Variants in CTNNA2 observed in about 807,000 individuals in gnomAD.
CTNNA2 encodes catenin alpha 2.
Under a neutral mutation model 101.0 loss-of-function variants are expected in CTNNA2, and 42 were observed. That is an observed-to-expected ratio of 0.42 (90% CI 0.32 to 0.54). CTNNA2 has a LOEUF of 0.54. CTNNA2 is among the 20% of genes least tolerant of loss of function. The probability of loss-of-function intolerance (pLI) is 0.14; values close to 1 mark genes in which losing one functional copy is unlikely to be tolerated. For missense variants in CTNNA2, 871 were observed against 1,223.1 expected, an observed-to-expected ratio of 0.71 and a Z score of 4.29; for synonymous variants, 450 against 456.4, an observed-to-expected ratio of 0.99 and a Z score of 0.18.
intron 2 of CTNNA2, among the ~76,000 whole-genome samples, chr2:79,268,912 A>C (rs1312490155): frequency 6.6e-6 from 1 of 152,044 alleles, no homozygotes; most frequent in Non-Finnish European, 1.5e-5. Flanking sequence ...AAGCAGATTG[A>C]ATACAGTTAT....
At chr2:79,515,558 C>T (rs902330970) in intron 1 of CTNNA2, among the ~76,000 whole-genome samples, 2 of 152,120 alleles carry the variant, frequency 1.3e-5, no homozygotes, top group South Asian at 4.1e-4. Context: ...TTTCACTTGC[C>T]TCCTTTGTAA....
intron 3 of CTNNA2, among the ~76,000 whole-genome samples, chr2:79,763,975 C>A (rs1490476006): frequency 2.0e-5 from 3 of 152,210 alleles, no homozygotes; most frequent in African/African-American, 7.2e-5. Flanking sequence ...CAACAGCCCA[C>A]TCCATCCACT....
At chr2:80,482,669 G>A (rs1264930290) in intron 9 of CTNNA2, among the ~76,000 whole-genome samples, 2 of 152,128 alleles carry the variant, frequency 1.3e-5, no homozygotes, top group Admixed American at 6.6e-5. Context: ...GCTAGAAGGT[G>A]TATTATTTTT....
chr2:79,260,102 C>T (rs953763083), intron 2 of CTNNA2, among the ~76,000 whole-genome samples: 2 of 152,150 alleles, frequency 1.3e-5, no homozygotes, highest in Non-Finnish European at 2.9e-5. Context: ...AAGCCCTTCA[C>T]CAGAGCCTCT....
intron 1 of CTNNA2, among the ~76,000 whole-genome samples, chr2:79,578,392 A>T (rs1206634125): frequency 6.6e-6 from 1 of 152,196 alleles, no homozygotes; most frequent in Non-Finnish European, 1.5e-5. Flanking sequence ...TAGTGAATTA[A>T]TAATTATTTT....
chr2:79,315,167 T>C (rs1287956385), intron 3 of CTNNA2, among the ~76,000 whole-genome samples: 1 of 152,210 alleles, frequency 6.6e-6, no homozygotes, highest in Non-Finnish European at 1.5e-5. Flanking sequence ...GATTTTTATT[T>C]GATAAGTTGG....
intron 7 of CTNNA2, chr2:80,029,640 ATTTTTTTTTTT>A (rs78417534): frequency 1.6e-5 from 2 of 127,916 alleles, no homozygotes; most frequent in African/African-American, 5.7e-5. Context: ...ACAGCCTGGG[ATTTTTTTTTTT>A]TTTTTTTTTT....
rs1672102177 is a variant in CTNNA2 at position 79,521,168 on chromosome 2, A to AT, written c.-6+7961_-6+7962insT. ...TATATATATATATATATATATATAT[A>AT]AATTTTAAGGTGCGCTATTTAATAT... is the stretch of plus-strand genomic sequence containing the variant. On this transcript the variant is annotated intron_variant, in intron 1 of 18. Coordinates refer to ENST00000402739, the MANE Select transcript of CTNNA2 (RefSeq NM_001282597.3). 2.1e-4 allele frequency among the ~76,000 whole-genome samples: 21 copies of AT among 101,990 alleles called. 1 individual carries two copies. The highest frequency in any genetic ancestry group is 6.8e-4 in the African/African-American group (18 of 26,424). The allele number at this position is 101,990 out of a possible 152,430, so 66.9% of individuals were successfully genotyped here.
chr2:79,491,384 T>TAC (rs1158756806), intron 4 of CTNNA2, among the ~76,000 whole-genome samples: 1 of 152,334 alleles, frequency 6.6e-6, no homozygotes, highest in East Asian at 1.9e-4. Context: ...GAAGAGTATA[T>TAC]ACCATCTTTG....
At chr2:80,620,599 G>A (rs1558651242) in intron 18 of CTNNA2, among the ~76,000 whole-genome samples, 1 of 151,904 alleles carries the variant, frequency 6.6e-6, no homozygotes, top group Non-Finnish European at 1.5e-5. Flanking sequence ...GTCCCCTGCA[G>A]GCAACTTAAT....
At chr2:80,289,237 G>A (rs574251944) in intron 7 of CTNNA2, 1 of 152,166 alleles carries the variant, frequency 6.6e-6, no homozygotes, top group South Asian at 2.1e-4. Flanking sequence ...ATAAATAAAA[G>A]GCAGTCACCT....
At chr2:79,208,662 C>G (rs946651088) in intron 2 of CTNNA2, among the ~76,000 whole-genome samples, 11 of 152,150 alleles carry the variant, frequency 7.2e-5, no homozygotes, top group African/African-American at 2.7e-4. Flanking sequence ...TCAAGCTACA[C>G]ATCTTCTTTC....
At chr2:80,609,959 C>T (rs1170276019) in intron 17 of CTNNA2, among the ~76,000 whole-genome samples, 2 of 151,658 alleles carry the variant, frequency 1.3e-5, no homozygotes, top group Non-Finnish European at 2.9e-5. Flanking sequence ...ATCACTTGCA[C>T]TGTTGGCTTT....
intron 2 of CTNNA2, among the ~76,000 whole-genome samples, chr2:79,234,419 G>A (rs940986725): frequency 1.3e-5 from 2 of 152,088 alleles, no homozygotes; most frequent in African/African-American, 2.4e-5. Context: ...TAGCCCGATG[G>A]GGCATTCTTT....
rs1693167318 is a variant in CTNNA2, at chr2:80,004,167, A to G, written c.1056+94370A>G. 2.0e-5 allele frequency among the ~76,000 whole-genome samples: 3 copies of G among 152,178 alleles called. 1 individual carries two copies. In the South Asian group the frequency reaches 6.2e-4, roughly 32 times the overall value. On this transcript the variant is annotated intron_variant, in intron 7 of 18. Coordinates refer to ENST00000402739, the MANE Select transcript of CTNNA2 (RefSeq NM_001282597.3). ...TATGCTGGAATGCTTGTAGATTTCC[A>G]AGAGAAACAATGTACAGTCTCCTTT...
At chr2:80,280,996 TC>T (rs897436725) in intron 7 of CTNNA2, among the ~76,000 whole-genome samples, 4 of 152,094 alleles carry the variant, frequency 2.6e-5, no homozygotes, top group African/African-American at 9.7e-5. Flanking sequence ...GAGTTGATTT[TC>T]CCCCTCGGTT....
intron 8 of CTNNA2, among the ~76,000 whole-genome samples, chr2:80,412,368 C>A (rs1258011358): frequency 6.6e-6 from 1 of 152,176 alleles, no homozygotes; most frequent in Admixed American, 6.5e-5. Context: ...TTAAGTAAAG[C>A]ATTTGTTTAA....
At chr2:79,983,201 C>T (rs977049652) in intron 7 of CTNNA2, among the ~76,000 whole-genome samples, 2 of 148,082 alleles carry the variant, frequency 1.4e-5, no homozygotes, top group South Asian at 2.1e-4. Flanking sequence ...ATTCATATAC[C>T]TATATTAATA....
chr2:79,973,591 A>G lies in CTNNA2; in HGVS notation c.1056+63794A>G, dbSNP rs148209531. On this transcript the variant is annotated intron_variant, in intron 7 of 18. Coordinates refer to ENST00000402739, the MANE Select transcript of CTNNA2 (RefSeq NM_001282597.3). ...GAAAATAAGTAGAAAACATACTCCT[A>G]AGGTGTGTCAACCTAAAAAACAAAC... is the stretch of plus-strand genomic sequence containing the variant. 5.1e-4 allele frequency among the ~76,000 whole-genome samples: 77 copies of G among 152,308 alleles called. 2 individuals are homozygous for G. The East Asian group carries it at 0.014, about 28-fold the overall frequency.
Sources: gnomAD v4.1 joint callset for allele counts (sites outside exome capture counted in the v4.1 genomes callset) on GRCh38, gnomAD v4.1.1 for gene constraint, MANE v1.5 for transcripts, NCBI Gene and HGNC (gene_info 2026-07-23, HGNC 2026-07-21) for gene names.